The following DOCK4 variants were observed in gnomAD, a reference collection of about 807,000 sequenced individuals.
DOCK4 encodes the protein dedicator of cytokinesis 4, also known as dedicator of cytokinesis protein 4.
Under a neutral mutation model 268.1 loss-of-function variants are expected in DOCK4, and 97 were observed. That is an observed-to-expected ratio of 0.36 (90% CI 0.31 to 0.43). The LOEUF (loss-of-function observed/expected upper bound fraction) is 0.43, where lower values mean the gene tolerates loss of function less well. Ranked by LOEUF, DOCK4 falls within the 20% of genes least tolerant of loss-of-function variation. The pLI, the probability that DOCK4 is intolerant of heterozygous loss-of-function variation, is 1.00. For missense variants in DOCK4, 2,145 were observed against 2,455.7 expected (o/e 0.87, Z 2.67); for synonymous variants, 954 against 887.2 (o/e 1.08, Z -1.34).
chr7:111,973,580 T>C (rs1797901587), intron 8 of DOCK4, among the ~76,000 whole-genome samples: 1 of 152,202 alleles, frequency 6.6e-6, no homozygotes, highest in Non-Finnish European at 1.5e-5. Context: ...AAACAATGTT[T>C]ATGAGTCAAT....
intron 52 of DOCK4, among the ~76,000 whole-genome samples, chr7:111,729,391 C>A (rs1458801185): frequency 6.6e-6 from 1 of 151,942 alleles, no homozygotes; most frequent in African/African-American, 2.4e-5. Context: ...AACCCCATTT[C>A]TACTAAAAAT....
intron 36 of DOCK4, among the ~76,000 whole-genome samples, chr7:111,772,187 G>T (rs1798163858): frequency 6.6e-6 from 1 of 152,174 alleles, no homozygotes; most frequent in South Asian, 2.1e-4. Context: ...AGGTACTCAG[G>T]AGGCTGAGGC....
intron 1 of DOCK4, among the ~76,000 whole-genome samples, chr7:112,063,897 C>A (rs574561660): frequency 6.6e-6 from 1 of 152,052 alleles, no homozygotes; most frequent in Non-Finnish European, 1.5e-5. Flanking sequence ...TTTTTGGGTA[C>A]CCCAAGTCCT....
intron 1 of DOCK4, among the ~76,000 whole-genome samples, chr7:112,015,656 C>T (rs1801750448): frequency 1.3e-5 from 2 of 152,118 alleles, no homozygotes; most frequent in South Asian, 2.1e-4. Context: ...ATGTGAAGCT[C>T]TTAAATAAAT....
intron 1 of DOCK4, among the ~76,000 whole-genome samples, chr7:112,192,406 G>C (rs1739926527): frequency 6.6e-6 from 1 of 152,012 alleles, no homozygotes; most frequent in Admixed American, 6.6e-5. Flanking sequence ...CACTCCTATG[G>C]GAAGTATCTC....
At chr7:111,783,009 A>C in intron 34 of DOCK4, 85 bp from the exon 35 acceptor site, 1 of 1,161,800 alleles carries the variant, frequency 8.6e-7, no homozygotes, top group Non-Finnish European at 1.2e-6. Flanking sequence ...AAAAAAAGAA[A>C]GAAAGAAAGA....
At chr7:111,791,098 AT>A (rs1410847559) in intron 30 of DOCK4, among the ~76,000 whole-genome samples, 14 of 142,408 alleles carry the variant, frequency 9.8e-5, no homozygotes, top group South Asian at 2.1e-4. Flanking sequence ...ATATATATAT[AT>A]AAAATAAATC....
chr7:112,199,786 G>A (rs1330519582), intron 1 of DOCK4, among the ~76,000 whole-genome samples: 4 of 152,198 alleles, frequency 2.6e-5, no homozygotes, highest in Non-Finnish European at 4.4e-5. Flanking sequence ...AGTGACCAGA[G>A]AGTGTTGTCA....
At chr7:111,775,231 G>T (rs1369566704) in intron 36 of DOCK4, among the ~76,000 whole-genome samples, 2 of 152,190 alleles carry the variant, frequency 1.3e-5, no homozygotes, top group Admixed American at 1.3e-4. Flanking sequence ...TCAGCTAGAG[G>T]AATGAGTAAA....
chr7:112,205,034 G>C (rs912767832), intron 1 of DOCK4, among the ~76,000 whole-genome samples: 3 of 152,084 alleles, frequency 2.0e-5, no homozygotes, highest in Admixed American at 2.0e-4. Flanking sequence ...CCTTGTCGGA[G>C]AGCCTGGCTT....
chr7:112,072,991 T>G (rs1240996225), intron 1 of DOCK4, among the ~76,000 whole-genome samples: 1 of 152,050 alleles, frequency 6.6e-6, no homozygotes, highest in East Asian at 1.9e-4. Context: ...AAGGGAAGAA[T>G]CAGGGGAGAA....
intron 30 of DOCK4, among the ~76,000 whole-genome samples, chr7:111,798,825 T>G (rs1194358981): frequency 3.9e-5 from 6 of 152,268 alleles, no homozygotes; most frequent in Admixed American, 3.9e-4. Flanking sequence ...ACTCCAAGTA[T>G]GCTTTCCTAA....
At chr7:111,892,213 G>A (rs1008414119) in intron 16 of DOCK4, among the ~76,000 whole-genome samples, 6 of 152,042 alleles carry the variant, frequency 3.9e-5, no homozygotes, top group Non-Finnish European at 7.4e-5. Context: ...TTGATTGATT[G>A]ATTTGAGACT....
At chr7:111,825,228 CA>C (rs1316388099) in intron 26 of DOCK4, among the ~76,000 whole-genome samples, 1 of 152,190 alleles carries the variant, frequency 6.6e-6, no homozygotes, top group Non-Finnish European at 1.5e-5. Context: ...TTCATCATAT[CA>C]TGTTGTCATA....
At position 112,094,375 on chromosome 7, in the gene DOCK4, A is replaced by G. The variant is rs1809912569; in HGVS notation, c.38-90244T>C. ...CCATTCCTTCCCAAATGATAGTTATATCAAATCGACATAGTTTTTAGGTCA... is the reference window on the plus strand; with the variant it reads ...CCATTCCTTCCCAAATGATAGTTATGTCAAATCGACATAGTTTTTAGGTCA... On this transcript the variant is annotated intron_variant, in intron 1 of 52. Coordinates refer to ENST00000428084, the MANE Select transcript of DOCK4 (RefSeq NM_001363540.2). Among the ~76,000 whole-genome samples, 3 of 152,200 alleles carry G rather than the reference A, an allele frequency of 2.0e-5. No individual in the cohort carries two copies. The South Asian group carries it at 6.2e-4, about 31-fold the overall frequency.
At position 112,064,674 on chromosome 7, in the gene DOCK4, C is replaced by T. The variant is rs1046119961; in HGVS notation, c.38-60543G>A. Among the ~76,000 whole-genome samples, 20 of 145,760 alleles carry T rather than the reference C, an allele frequency of 1.4e-4. 1 individual carries two copies. Among genetic ancestry groups the T allele is most frequent in the Admixed American group, 6.9e-4 (10 of 14,522 alleles). ...AAGACAGCAGCTATTATGGGCTGAA[C>T]TGTGCCCCCCCTTCAAGACTCAGAA... is the stretch of plus-strand genomic sequence containing the variant. On this transcript the variant is annotated intron_variant, in intron 1 of 52. Coordinates refer to ENST00000428084, the MANE Select transcript of DOCK4 (RefSeq NM_001363540.2).
At chr7:111,814,530 T>C (rs1801396118) in intron 27 of DOCK4, among the ~76,000 whole-genome samples, 1 of 152,180 alleles carries the variant, frequency 6.6e-6, no homozygotes, top group Non-Finnish European at 1.5e-5. Context: ...CCTGGTGATC[T>C]AGTTAAAGTG....
chr7:111,732,084 A>C, intron 52 of DOCK4, 142 bp downstream of exon 52: 2 of 827,636 alleles, frequency 2.4e-6, no homozygotes, highest in Non-Finnish European at 3.8e-6. Context: ...TGTTTTTCTC[A>C]ACCAGCTTCC....
chr7:111,917,199 G>T (rs1792680866), intron 12 of DOCK4, among the ~76,000 whole-genome samples: 1 of 151,672 alleles, frequency 6.6e-6, no homozygotes, highest in Non-Finnish European at 1.5e-5. Context: ...AGTTGGCCAG[G>T]ATGGTCTCGA....
Sources: allele counts gnomAD v4.1 joint callset (sites outside exome capture counted in the v4.1 genomes callset), GRCh38; gene constraint gnomAD v4.1.1; transcripts MANE v1.5; gene names NCBI Gene and HGNC (gene_info 2026-07-23, HGNC 2026-07-21).